SPAM1: variants seen among roughly 807,000 people sequenced by gnomAD.
SPAM1 encodes sperm adhesion molecule 1, also known as hyaluronidase PH-20.
SPAM1 carries 22 observed loss-of-function variants against 29.6 expected under a neutral mutation model. The observed-to-expected ratio is 0.74, with a 90% CI of 0.53 to 1.06. The LOEUF is 1.06. SPAM1 is among the 50% of genes least tolerant of loss of function. The pLI is 0.00. For synonymous variants in SPAM1, 194 were observed against 204.6 expected (o/e 0.95, Z 0.44); for missense variants, 534 against 604.0 (o/e 0.88, Z 1.21).
At chr7:123,955,643 A>G (rs1056763974) in intron 4 of SPAM1, among the ~76,000 whole-genome samples, 1 of 152,000 alleles carries the variant, frequency 6.6e-6, no homozygotes, top group Non-Finnish European at 1.5e-5. Flanking sequence ...AGTCTAAGAA[A>G]GCCTTTGAGA....
chr7:123,946,787 T>C (rs1808587351), intron 1 of SPAM1, among the ~76,000 whole-genome samples: 1 of 152,166 alleles, frequency 6.6e-6, no homozygotes, highest in South Asian at 2.1e-4. Context: ...TGCATTTTTA[T>C]ATAAACAATA....
At position 123,959,494 on chromosome 7, in the gene SPAM1, T is replaced by G; in HGVS notation, c.1055T>G (p.Leu352Trp). Reference sequence around the variant, plus strand: ...ATAATAATTTTACAGAAATCTTGCTTGCTCCTAGACAATTACATGGAGACT... The same window carrying G: ...ATAATAATTTTACAGAAATCTTGCTGGCTCCTAGACAATTACATGGAGACT... ...LSIMRSMKSC[L>W]LLDNYMETIL... Residue 352 changes from leucine to tryptophan, a missense_variant, in exon 5 of 5, where the codon TTG becomes TGG. Physicochemically the swap from Leu to Trp is moderately conservative, Grantham distance 61. Transcript: ENST00000682466. The G allele has an allele frequency of 1.3e-6, 2 of 1,584,106 alleles. No individual in the cohort carries two copies. Among genetic ancestry groups the G allele is most frequent in the Non-Finnish European group, 1.7e-6 (2 of 1,164,578 alleles).
chr7:123,961,571 G>C (rs188398713), downstream of SPAM1, among the ~76,000 whole-genome samples: 21 of 151,996 alleles, frequency 1.4e-4, no homozygotes, highest in East Asian at 3.7e-3. Flanking sequence ...TTCATCTGTT[G>C]ATGGACATTT....
Position 123,953,760 on chromosome 7 carries a change from T to A in SPAM1, c.190T>A (p.Phe64Ile), listed in dbSNP as rs886464344. 1 of 1,612,820 alleles carries A rather than the reference T, an allele frequency of 6.2e-7. No individual in the cohort carries two copies. Among genetic ancestry groups the A allele is most frequent in the African/African-American group, 1.3e-5 (1 of 74,876 alleles). ...CCCAAGTGAATTTTGTCTTGGAAAATTTGATGAGCCACTAGATATGAGCCT... is the reference window on the plus strand; with the variant it reads ...CCCAAGTGAATTTTGTCTTGGAAAAATTGATGAGCCACTAGATATGAGCCT... ...NAPSEFCLGKFDEPLDMSLFS... is the reference protein window; with the variant it reads ...NAPSEFCLGKIDEPLDMSLFS... Residue 64 changes from phenylalanine (F) to isoleucine (I), a missense_variant, in exon 3 of 5, where the codon TTT becomes ATT. By Grantham distance (21) the Phe-to-Ile change is conservative. Coordinates refer to ENST00000682466, the MANE Select transcript of SPAM1 (RefSeq NM_153189.3).
chr7:123,937,588 C>T (rs959126456), intron 1 of SPAM1, among the ~76,000 whole-genome samples: 4 of 114,104 alleles, frequency 3.5e-5, no homozygotes, highest in African/African-American at 1.4e-4. Flanking sequence ...GCAACAGAGA[C>T]TCCATCTCAA....
At chr7:123,930,547 T>G (rs561138049) in intron 1 of SPAM1, among the ~76,000 whole-genome samples, 2 of 152,156 alleles carry the variant, frequency 1.3e-5, no homozygotes, top group African/African-American at 4.8e-5. Context: ...AGAATAATGA[T>G]TGTGAAAATT....
At chr7:123,949,599 T>A (rs1808695789) in intron 1 of SPAM1, among the ~76,000 whole-genome samples, 1 of 152,164 alleles carries the variant, frequency 6.6e-6, no homozygotes, top group Non-Finnish European at 1.5e-5. Context: ...ATTTGCTTTT[T>A]ATTTTTTTTC....
At chr7:123,944,682 T>C (rs1808519770) in intron 1 of SPAM1, among the ~76,000 whole-genome samples, 1 of 152,110 alleles carries the variant, frequency 6.6e-6, no homozygotes, top group Non-Finnish European at 1.5e-5. Context: ...GAAGAAAACA[T>C]TTCCTTTAGA....
chr7:123,949,806 A>T (rs929619024), intron 1 of SPAM1, 66 bp from the exon 2 acceptor site: 2 of 152,030 alleles, frequency 1.3e-5, no homozygotes, highest in Admixed American at 6.6e-5. Context: ...AGAATTTTAG[A>T]TATATTCAGA....
chr7:123,954,383 T>C lies in SPAM1; in HGVS notation c.813T>C (p.Pro271=). ...TTTATTTGAACACTCAGCAGTCTCC[T>C]GTAGCTGCTACACTCTATGTGCGCA... The part of the protein sequence containing the change: ...PSIYLNTQQS[P]VAATLYVRNR... Residue 271 remains proline, a synonymous_variant, in exon 3 of 5, where the codon CCT becomes CCC. Transcript: ENST00000682466. 1 of 1,613,502 alleles carries C rather than the reference T, an allele frequency of 6.2e-7. No individual in the cohort carries two copies. The highest frequency in any genetic ancestry group is 8.5e-7 in the Non-Finnish European group (1 of 1,179,620).
intron 1 of SPAM1, among the ~76,000 whole-genome samples, chr7:123,942,024 A>G (rs1428518523): frequency 6.6e-6 from 1 of 152,204 alleles, no homozygotes; most frequent in African/African-American, 2.4e-5. Flanking sequence ...TGATATAGGC[A>G]CTATTACTCT....
intron 5 of SPAM1, among the ~76,000 whole-genome samples, chr7:123,968,507 G>A (rs918918727): frequency 6.6e-6 from 1 of 151,986 alleles, no homozygotes; most frequent in Admixed American, 6.6e-5. Context: ...ATGTCATCGA[G>A]TCTTGAGAAA....
Position 123,954,411 on chromosome 7 carries a change from C to T in SPAM1, c.841C>T (p.Arg281Ter). ...PVAATLYVRN[R>*]VREAIRVSKI... is the part of the protein sequence containing the mutation. ...AGCTGCTACACTCTATGTGCGCAAT[C>T]GAGTTCGGGAAGCCATCAGAGTTTC... is the stretch of plus-strand genomic sequence containing the variant. The change falls in exon 3 of 5, where the codon CGA (arginine) becomes TGA (stop). Residue 281 changes from arginine (R) to a stop codon, truncating the protein, a stop_gained. Coordinates refer to ENST00000682466, the MANE Select transcript of SPAM1 (RefSeq NM_153189.3). LOFTEE classifies it high-confidence loss of function. 6.2e-7 allele frequency: 1 copy of T among 1,613,370 alleles called. No individual in the cohort carries two copies. The highest frequency in any genetic ancestry group is 8.5e-7 in the Non-Finnish European group (1 of 1,179,624).
At chr7:123,933,254 T>G (rs551385150) in intron 1 of SPAM1, among the ~76,000 whole-genome samples, 6 of 152,040 alleles carry the variant, frequency 3.9e-5, no homozygotes, top group African/African-American at 1.4e-4. Context: ...TGGTGTGTGA[T>G]GTTCCCCTCC....
At chr7:123,942,776 C>T (rs1049341562) in intron 1 of SPAM1, among the ~76,000 whole-genome samples, 2 of 152,124 alleles carry the variant, frequency 1.3e-5, no homozygotes, top group African/African-American at 4.8e-5. Flanking sequence ...GATATAAGAT[C>T]AGCTTTCTGA....
intron 1 of SPAM1, among the ~76,000 whole-genome samples, chr7:123,934,006 G>T (rs887387360): frequency 6.6e-6 from 1 of 152,062 alleles, no homozygotes; most frequent in South Asian, 2.1e-4. Flanking sequence ...TTAGACACAT[G>T]AATACCTACC....
chr7:123,939,223 C>G (rs1808350910), intron 1 of SPAM1, among the ~76,000 whole-genome samples: 1 of 151,808 alleles, frequency 6.6e-6, no homozygotes. Flanking sequence ...GTACCTGGGA[C>G]TACAGGCGCC....
At chr7:123,935,541 G>A (rs1299481339) in intron 1 of SPAM1, among the ~76,000 whole-genome samples, 1 of 152,120 alleles carries the variant, frequency 6.6e-6, no homozygotes, top group African/African-American at 2.4e-5. Flanking sequence ...ACTTAGTCCA[G>A]TAGTTTAGGT....
At chr7:123,967,222 T>A (rs6953544) in intron 5 of SPAM1, among the ~76,000 whole-genome samples, 1 of 151,798 alleles carries the variant, frequency 6.6e-6, no homozygotes, top group African/African-American at 2.4e-5. Flanking sequence ...ACAGAAATAA[T>A]AGCTAGTCAC....
Sources: allele counts gnomAD v4.1 joint callset (sites outside exome capture counted in the v4.1 genomes callset), GRCh38; gene constraint gnomAD v4.1.1; transcripts MANE v1.5; gene names NCBI Gene and HGNC (gene_info 2026-07-23, HGNC 2026-07-21).